The following ZNF823 variants were observed in gnomAD, a reference collection of about 807,000 sequenced individuals.
ZNF823 encodes ZFP 36 for a zinc finger protein.
A neutral mutation model predicts 11.4 loss-of-function variants in ZNF823; 5 were observed. The observed-to-expected ratio is 0.44, with a 90% CI of 0.23 to 0.92. The LOEUF (loss-of-function observed/expected upper bound fraction) is 0.92. Ranked by LOEUF, ZNF823 falls within the 40% of genes least tolerant of loss-of-function variation. The probability of loss-of-function intolerance (pLI) is 0.24; values close to 1 mark genes in which losing one functional copy is unlikely to be tolerated. For missense variants in ZNF823, 582 were observed against 738.5 expected, an observed-to-expected ratio of 0.79 and a Z score of 2.46; for synonymous variants, 234 against 250.5, an observed-to-expected ratio of 0.93 and a Z score of 0.62.
At chr19:11,724,660 G>A (rs1258760111) in intron 2 of ZNF823, among the ~76,000 whole-genome samples, 2 of 149,066 alleles carry the variant, frequency 1.3e-5, no homozygotes, top group African/African-American at 5.0e-5. Flanking sequence ...CCAGGTTCAC[G>A]TCATTCTCCT....
chr19:11,725,420 T>C, intron 1 of ZNF823, 93 bp from the exon 2 acceptor site: 1 of 1,541,772 alleles, frequency 6.5e-7, no homozygotes, highest in Non-Finnish European at 8.9e-7. Flanking sequence ...ATGCTGTGGT[T>C]TCCAAGCATT....
chr19:11,721,709 T>C lies in ZNF823; in HGVS notation c.1825A>G (p.Thr609Ala). 1 of 1,607,994 alleles carries C rather than the reference T, an allele frequency of 6.2e-7. No homozygotes were observed. The highest frequency in any genetic ancestry group is 1.3e-5 in the African/African-American group (1 of 74,750). Residue 609 changes from threonine to alanine, a missense_variant, in exon 4 of 4, where the codon ACT (threonine) becomes GCT (alanine). By Grantham distance (58) the Thr-to-Ala change is moderately conservative. Coordinates refer to ENST00000341191, the MANE Select transcript of ZNF823 (RefSeq NM_001080493.4). Reference protein sequence around the residue: ...HRHKRTHWKDTL With the variant: ...HRHKRTHWKDAL ...TCCCACATTCCATACATTTAGAGAGTATCTTTCCAGTGAGTCCTTTTATGT... is the reference window on the plus strand; with the variant it reads ...TCCCACATTCCATACATTTAGAGAGCATCTTTCCAGTGAGTCCTTTTATGT...
chr19:11,736,816 TG>T (rs1975000117), intron 1 of ZNF823, among the ~76,000 whole-genome samples: 1 of 151,922 alleles, frequency 6.6e-6, no homozygotes, highest in Non-Finnish European at 1.5e-5. Flanking sequence ...CTCACTGAAC[TG>T]CTGAGTAATT....
Position 11,723,012 on chromosome 19 carries a change from A to G in ZNF823, c.522T>C (p.Ser174=), listed in dbSNP as rs748537891. 2 of 1,614,206 alleles carry G rather than the reference A, an allele frequency of 1.2e-6. No homozygotes were observed. The highest frequency in any genetic ancestry group is 1.7e-6 in the Non-Finnish European group (2 of 1,180,042). The change falls in exon 4 of 4, where the codon AGT becomes AGC. Residue 174 remains serine (S), a synonymous_variant. Coordinates refer to ENST00000341191, the MANE Select transcript of ZNF823 (RefSeq NM_001080493.4). The part of the protein sequence containing the change: ...FDCKECAKTF[S]SLGNLRRHMA... ...TGTGTCTTCGGAGGTTTCCAAGAGA[A>G]CTAAAGGTTTTTGCACATTCTTTAC...
rs1180039884 is a variant in ZNF823, at chr19:11,721,757, T to G, written c.1777A>C (p.Ser593Arg). ...TGTCTATGCAAGGAACGGAGAGAAC[T>G]CAATGCTTTCCCACATTCCTTACAT... ...YECKECGKAL[S>R]SLRSLHRHKR... is the part of the protein sequence containing the mutation. The change falls in exon 4 of 4, where the codon AGT (serine) becomes CGT (arginine). Residue 593 changes from serine to arginine, a missense_variant. By Grantham distance (110) the Ser-to-Arg change is moderately radical. Coordinates refer to ENST00000341191, the MANE Select transcript of ZNF823 (RefSeq NM_001080493.4). 1.2e-6 allele frequency: 2 copies of G among 1,614,022 alleles called. No homozygotes were observed. Among genetic ancestry groups the G allele is most frequent in the African/African-American group, 2.7e-5 (2 of 74,950 alleles).
chr19:11,724,542 T>G (rs1974754389), intron 2 of ZNF823, among the ~76,000 whole-genome samples: 1 of 150,608 alleles, frequency 6.6e-6, no homozygotes, highest in African/African-American at 2.4e-5. Flanking sequence ...GAATAGTAAA[T>G]ATAGTTTCTC....
At chr19:11,724,707 C>T (rs552636240) in intron 2 of ZNF823, among the ~76,000 whole-genome samples, 7 of 151,776 alleles carry the variant, frequency 4.6e-5, no homozygotes, top group Admixed American at 1.3e-4. Context: ...TACAGGTGTC[C>T]GCCATCACGC....
chr19:11,732,647 A>G (rs930018528), intron 1 of ZNF823, among the ~76,000 whole-genome samples: 1 of 151,536 alleles, frequency 6.6e-6, no homozygotes, highest in African/African-American at 2.4e-5. Context: ...GTTAGCCAGG[A>G]TGGTCTCGAT....
chr19:11,723,408 CTA>C, intron 3 of ZNF823, 66 bp from the exon 4 acceptor site: 1 of 1,288,266 alleles, frequency 7.8e-7, no homozygotes. Flanking sequence ...TATTGAAGTA[CTA>C]GATTTATATT....
chr19:11,738,276 C>A (rs1975032041), intron 1 of ZNF823, among the ~76,000 whole-genome samples: 1 of 152,170 alleles, frequency 6.6e-6, no homozygotes, highest in African/African-American at 2.4e-5. Context: ...AGGCTGAAGA[C>A]CCCACAAGGG....
At chr19:11,725,129 T>A (rs1012427685) in intron 2 of ZNF823, 72 bp downstream of exon 2, 1 of 1,557,714 alleles carries the variant, frequency 6.4e-7, no homozygotes, top group African/African-American at 1.4e-5. Context: ...ATATTTCAAA[T>A]CATGAACAGC....
intron 1 of ZNF823, among the ~76,000 whole-genome samples, chr19:11,727,732 T>C (rs1974817704): frequency 6.6e-6 from 1 of 152,104 alleles, no homozygotes; most frequent in Non-Finnish European, 1.5e-5. Flanking sequence ...TCCCAATCCC[T>C]CCTCACATCA....
Position 11,722,645 on chromosome 19 carries a change from T to C in ZNF823, c.889A>G (p.Thr297Ala), listed in dbSNP as rs1457473549. 1.2e-6 allele frequency: 2 copies of C among 1,613,926 alleles called. No individual in the cohort carries two copies. Among genetic ancestry groups the C allele is most frequent in the African/African-American group, 2.7e-5 (2 of 74,920 alleles). The stretch of plus-strand genomic sequence containing the variant: ...GCATAGGGTTGTTCTCCCGTGTGAG[T>C]CCTTTCATGTAGTCGAGTGTAATAG... ...CYYYTRLHERTHTGEQPYACK... is the reference protein window; with the variant it reads ...CYYYTRLHERAHTGEQPYACK... Residue 297 changes from threonine to alanine, a missense_variant, in exon 4 of 4, where the codon ACT becomes GCT. Coordinates refer to ENST00000341191, the MANE Select transcript of ZNF823 (RefSeq NM_001080493.4). This position sits in a 1 kb window ranked among gnomAD's most constrained non-coding sequence, Gnocchi z 5.2.
At chr19:11,733,290 T>C (rs1053581021) in intron 1 of ZNF823, among the ~76,000 whole-genome samples, 4 of 144,306 alleles carry the variant, frequency 2.8e-5, no homozygotes, top group Non-Finnish European at 6.0e-5. Flanking sequence ...TAGCTAGAAC[T>C]CAGGAGTCGG....
intron 1 of ZNF823, among the ~76,000 whole-genome samples, chr19:11,734,446 C>T (rs539730448): frequency 1.3e-5 from 2 of 152,284 alleles, no homozygotes; most frequent in Admixed American, 1.3e-4. Flanking sequence ...ATTCTGTCTT[C>T]ACCAACCAGG....
chr19:11,738,658 T>C (rs1440102470), intron 1 of ZNF823, among the ~76,000 whole-genome samples, 159 bp downstream of exon 1: 1 of 152,208 alleles, frequency 6.6e-6, no homozygotes, highest in African/African-American at 2.4e-5. Flanking sequence ...CAGCCCCATC[T>C]TGCGGCCCAG....
In ZNF823 at chr19:11,738,827, C is replaced by G. The variant is rs759962855; in HGVS notation, c.-8G>C. On this transcript the variant is annotated 5_prime_UTR_variant, in exon 1 of 4. Transcript: ENST00000341191. Reference sequence around the variant, plus strand: ...GCCCCGCACACTCACCATTTCCCAGCTTCCAGGTGTCCGGGTGTCCTCCTT... The same window carrying G: ...GCCCCGCACACTCACCATTTCCCAGGTTCCAGGTGTCCGGGTGTCCTCCTT... 6 of 1,610,246 alleles carry G rather than the reference C, an allele frequency of 3.7e-6. No individual in the cohort carries two copies. In the South Asian group the frequency reaches 6.6e-5, roughly 18 times the overall value.
rs186490415 is a variant in ZNF823 at position 11,728,172 on chromosome 19, C to T, written c.4-2845G>A. On this transcript the variant is annotated intron_variant, in intron 1 of 3. Transcript: ENST00000341191. Reference sequence around the variant, plus strand: ...GGTTACAGGCGTGAGCCACAGCGCCCGGCCAAGACTCTCTTTTCCATTTAA... The same window carrying T: ...GGTTACAGGCGTGAGCCACAGCGCCTGGCCAAGACTCTCTTTTCCATTTAA... Among the ~76,000 whole-genome samples, 66 of 152,266 alleles carry T rather than the reference C, an allele frequency of 4.3e-4. No homozygotes were observed. In the South Asian group the frequency reaches 4.6e-3, roughly 11 times the overall value.
At chr19:11,730,902 G>A (rs986834310) in intron 1 of ZNF823, 2 of 149,156 alleles carry the variant, frequency 1.3e-5, no homozygotes, top group Non-Finnish European at 3.0e-5. Flanking sequence ...CAGCAAAAAT[G>A]AAACAATTCA....
Sources: allele counts gnomAD v4.1 joint callset (sites outside exome capture counted in the v4.1 genomes callset), GRCh38; gene constraint gnomAD v4.1.1; non-coding constraint Gnocchi (gnomAD v3.1); transcripts MANE v1.5; gene names NCBI Gene and HGNC (gene_info 2026-07-23, HGNC 2026-07-21).